ATP8B4: variants seen among roughly 807,000 people sequenced by gnomAD.
The protein encoded by ATP8B4 is ATPase phospholipid transporting 8B4 (putative).
ATP8B4 carries 133 observed loss-of-function variants against 145.6 expected under a neutral mutation model. That is an observed-to-expected ratio of 0.91 (90% CI 0.79 to 1.05). The LOEUF (loss-of-function observed/expected upper bound fraction) is 1.05. ATP8B4 is among the 50% of genes least tolerant of loss of function. ATP8B4 has a pLI of 0.00. For synonymous variants in ATP8B4, 507 were observed against 492.9 expected (o/e 1.03, Z -0.38); for missense variants, 1,458 against 1,425.2 (o/e 1.02, Z -0.37).
At chr15:50,128,476 C>G (rs1339917201) in intron 1 of ATP8B4, among the ~76,000 whole-genome samples, 1 of 152,180 alleles carries the variant, frequency 6.6e-6, no homozygotes, top group Non-Finnish European at 1.5e-5. Context: ...GCCAAAATGA[C>G]AAGATCTGCT....
chr15:49,861,422 GTGTCTGTC>G (rs959890334), intron 27 of ATP8B4, among the ~76,000 whole-genome samples: 117 of 148,312 alleles, frequency 7.9e-4, no homozygotes, highest in Non-Finnish European at 1.1e-3. Flanking sequence ...GTGTGTGTGT[GTGTCTGTC>G]TGTCTGTCTG....
chr15:50,128,370 G>T (rs1048652869), intron 1 of ATP8B4, among the ~76,000 whole-genome samples: 3 of 152,246 alleles, frequency 2.0e-5, no homozygotes, highest in Non-Finnish European at 4.4e-5. Context: ...ATCCAGCAAA[G>T]CTGGGAGCAG....
chr15:50,118,291 C>A (rs1010801872), intron 1 of ATP8B4, among the ~76,000 whole-genome samples: 8 of 151,906 alleles, frequency 5.3e-5, no homozygotes, highest in Non-Finnish European at 1.0e-4. Context: ...TATGCATATA[C>A]CAAAATATCA....
At chr15:50,140,936 T>C (rs1216723999) in intron 1 of ATP8B4, among the ~76,000 whole-genome samples, 1 of 152,154 alleles carries the variant, frequency 6.6e-6, no homozygotes, top group East Asian at 1.9e-4. Flanking sequence ...AATGTACAAA[T>C]ACTGATCTCT....
chr15:49,905,887 T>A (rs959838783), intron 20 of ATP8B4, among the ~76,000 whole-genome samples: 1 of 152,146 alleles, frequency 6.6e-6, no homozygotes, highest in African/African-American at 2.4e-5. Flanking sequence ...ATCCTCCAGA[T>A]CTTGATAGGC....
rs114784412 is a variant in ATP8B4 at position 49,996,226 on chromosome 15, G to A, written c.589+451C>T. On this transcript the variant is annotated intron_variant, in intron 9 of 27. Coordinates refer to ENST00000284509, the MANE Select transcript of ATP8B4 (RefSeq NM_024837.4). ...ATATCTTCAAGACATTATGCTAAGC[G>A]CCGTGCAAGGTACTGAAATACATGA... Among the ~76,000 whole-genome samples the A allele has an allele frequency of 4.4e-3, 671 of 152,150 alleles. 9 individuals carry two copies. The highest frequency in any genetic ancestry group is 0.015 in the African/African-American group (631 of 41,508).
intron 24 of ATP8B4, among the ~76,000 whole-genome samples, chr15:49,877,907 G>A (rs1330796751): frequency 3.9e-5 from 6 of 152,194 alleles, no homozygotes; most frequent in African/African-American, 1.2e-4. Flanking sequence ...CCTGGTTCTA[G>A]TCTTAGCCGT....
At chr15:50,047,524 G>T (rs2051817077) in intron 3 of ATP8B4, 60 bp from the exon 4 acceptor site, 4 of 1,036,032 alleles carry the variant, frequency 3.9e-6, no homozygotes, top group Non-Finnish European at 6.0e-6. Flanking sequence ...ATCAGAAATA[G>T]CTCTAAAACC....
chr15:49,897,405 C>G lies in ATP8B4; in HGVS notation c.2584G>C (p.Gly862Arg). 2.5e-6 allele frequency: 4 copies of G among 1,613,930 alleles called. No individual in the cohort carries two copies. The highest frequency in any genetic ancestry group is 3.4e-6 in the Non-Finnish European group (4 of 1,179,862). ...CACATTCGGAAATAAGACCACCTTC[C>G]ATGAACAAGGAGAAGCCTTTGGAGA... ...RYLQRLLLVH[G>R]RWSYFRMCKF... Residue 862 changes from glycine (G) to arginine (R), a missense_variant, in exon 23 of 28, where the codon GGA becomes CGA. By Grantham distance (125) the Gly-to-Arg change is moderately radical. Coordinates refer to ENST00000284509, the MANE Select transcript of ATP8B4 (RefSeq NM_024837.4).
chr15:49,972,571 G>A lies in ATP8B4; in HGVS notation c.1243+11C>T. ...ACAATATCGTTAAGAGAAAGGAACT[G>A]TTTCTCTTACCATAGATTCTCCCAT... On this transcript the variant is annotated intron_variant, in intron 13 of 27. Transcript: ENST00000284509. 6.2e-7 allele frequency: 1 copy of A among 1,604,622 alleles called. No homozygotes were observed. The highest frequency in any genetic ancestry group is 8.5e-7 in the Non-Finnish European group (1 of 1,172,370).
chr15:50,172,872 G>A (rs1261170337), intron 1 of ATP8B4, among the ~76,000 whole-genome samples: 1 of 150,406 alleles, frequency 6.6e-6, no homozygotes, highest in Admixed American at 6.6e-5. Context: ...CTGACCGGCC[G>A]CCCCGTCTGA....
At chr15:50,147,247 C>T (rs1459925911) in intron 1 of ATP8B4, among the ~76,000 whole-genome samples, 1 of 151,942 alleles carries the variant, frequency 6.6e-6, no homozygotes, top group African/African-American at 2.4e-5. Flanking sequence ...AAAACCCTGC[C>T]TCTACTACAA....
chr15:50,021,999 C>G (rs2049613638), intron 6 of ATP8B4, among the ~76,000 whole-genome samples: 1 of 152,014 alleles, frequency 6.6e-6, no homozygotes, highest in Admixed American at 6.5e-5. Flanking sequence ...ATGACAAAGT[C>G]TGGAAAGAGG....
intron 3 of ATP8B4, among the ~76,000 whole-genome samples, chr15:50,061,521 CTGAT>C (rs1462399880): frequency 1.3e-5 from 2 of 152,094 alleles, no homozygotes; most frequent in Non-Finnish European, 2.9e-5. Flanking sequence ...GTCAAAATAT[CTGAT>C]TGATTTTAAT....
intron 6 of ATP8B4, among the ~76,000 whole-genome samples, chr15:50,030,622 A>G (rs940604654): frequency 6.6e-6 from 1 of 151,986 alleles, no homozygotes; most frequent in African/African-American, 2.4e-5. Flanking sequence ...AACCCCCTCA[A>G]TTTTCTCCCC....
chr15:49,923,248 T>C, intron 17 of ATP8B4, 131 bp downstream of exon 17: 2 of 703,486 alleles, frequency 2.8e-6, no homozygotes, highest in Non-Finnish European at 4.8e-6. Context: ...CACAGCTTCC[T>C]GTGGAACCAT....
At chr15:50,027,544 G>A (rs2050105437) in intron 6 of ATP8B4, among the ~76,000 whole-genome samples, 1 of 152,146 alleles carries the variant, frequency 6.6e-6, no homozygotes, top group Non-Finnish European at 1.5e-5. Context: ...GTTGCCAACA[G>A]AGCCCCTTAA....
chr15:50,126,446 T>C (rs1300066402), intron 1 of ATP8B4, among the ~76,000 whole-genome samples: 8 of 152,138 alleles, frequency 5.3e-5, no homozygotes, highest in Admixed American at 4.6e-4. Flanking sequence ...CCAATCCAGA[T>C]CCCAAGAGAA....
intron 20 of ATP8B4, among the ~76,000 whole-genome samples, chr15:49,907,066 T>C (rs775060991): frequency 2.0e-5 from 3 of 151,758 alleles, no homozygotes; most frequent in Non-Finnish European, 4.4e-5. Flanking sequence ...CCCAGCAGAG[T>C]GTGGAAGTCA....
Sources: gnomAD v4.1 joint callset for allele counts (sites outside exome capture counted in the v4.1 genomes callset) on GRCh38, gnomAD v4.1.1 for gene constraint, MANE v1.5 for transcripts, NCBI Gene and HGNC (gene_info 2026-07-23, HGNC 2026-07-21) for gene names.